PAPSS1: variants seen among roughly 807,000 people sequenced by gnomAD.
PAPSS1 encodes the protein bifunctional 3'-phosphoadenosine 5'-phosphosulfate synthase 1.
A neutral mutation model predicts 72.0 loss-of-function variants in PAPSS1; 50 were observed. The observed-to-expected ratio is 0.69, with a 90% CI of 0.55 to 0.88. The LOEUF (loss-of-function observed/expected upper bound fraction) is 0.88. Among genes scored for constraint, PAPSS1 ranks in the 40% least tolerant of loss-of-function variants. PAPSS1 has a pLI of 0.00. For synonymous variants in PAPSS1, 261 were observed against 263.6 expected, an observed-to-expected ratio of 0.99 and a Z score of 0.09; for missense variants, 657 against 782.2, an observed-to-expected ratio of 0.84 and a Z score of 1.91.
chr4:107,623,164 A>G (rs896731077), intron 11 of PAPSS1, among the ~76,000 whole-genome samples: 37 of 152,300 alleles, frequency 2.4e-4, no homozygotes, highest in African/African-American at 8.2e-4. Flanking sequence ...CCATGTGGAT[A>G]CTTTCACACT....
intron 1 of PAPSS1, among the ~76,000 whole-genome samples, chr4:107,713,650 C>T (rs984976282): frequency 2.0e-5 from 3 of 151,584 alleles, no homozygotes; most frequent in East Asian, 3.9e-4. Flanking sequence ...CCCAGCTACT[C>T]GGGAGGCTGA....
intron 5 of PAPSS1, among the ~76,000 whole-genome samples, chr4:107,668,254 A>T (rs1362702260): frequency 6.6e-6 from 1 of 152,224 alleles, no homozygotes; most frequent in Non-Finnish European, 1.5e-5. Flanking sequence ...CTTATCAGCA[A>T]AATGAAGATA....
At chr4:107,677,954 C>T (rs1560582163) in intron 5 of PAPSS1, among the ~76,000 whole-genome samples, 1 of 152,168 alleles carries the variant, frequency 6.6e-6, no homozygotes, top group Non-Finnish European at 1.5e-5. Context: ...CCAAACACCA[C>T]ACGTTCTCAC....
intron 10 of PAPSS1, among the ~76,000 whole-genome samples, chr4:107,639,291 C>T (rs1355622878): frequency 6.6e-6 from 1 of 152,130 alleles, no homozygotes; most frequent in Admixed American, 6.5e-5. Context: ...AAACAGACTA[C>T]AGGGATCCCC....
At chr4:107,646,378 T>G in intron 9 of PAPSS1, among the ~76,000 whole-genome samples, 1 of 142,032 alleles carries the variant, frequency 7.0e-6, no homozygotes, top group African/African-American at 2.5e-5. Context: ...TTTTGTCCAC[T>G]TTTTTTTTTT....
intron 9 of PAPSS1, among the ~76,000 whole-genome samples, chr4:107,647,481 C>T (rs1365924142): frequency 6.6e-6 from 1 of 152,168 alleles, no homozygotes; most frequent in East Asian, 1.9e-4. Context: ...TACTGACTGA[C>T]ATAAAAATCT....
intron 11 of PAPSS1, 91 bp from the exon 12 acceptor site, chr4:107,614,478 ACTT>A: frequency 3.2e-6 from 3 of 941,214 alleles, no homozygotes; most frequent in Admixed American, 2.8e-5. Flanking sequence ...TATTAGACAA[ACTT>A]AATGAAAAAA....
chr4:107,667,437 C>A (rs1355721632), intron 5 of PAPSS1, among the ~76,000 whole-genome samples: 4 of 152,170 alleles, frequency 2.6e-5, no homozygotes, highest in Non-Finnish European at 5.9e-5. Context: ...GATTTATAAT[C>A]AGCCAGGCAA....
chr4:107,653,610 C>T lies in PAPSS1; in HGVS notation c.1118G>A (p.Gly373Glu). The stretch of plus-strand genomic sequence containing the variant: ...AAGATCTCCTCCAATCAGCCAATCT[C>T]CTTGTTCCATCACCATCTAATAGGA... ...HPYIKMVMEQGDWLIGGDLQV... is the reference protein window; with the variant it reads ...HPYIKMVMEQEDWLIGGDLQV... Residue 373 changes from glycine to glutamate, a missense_variant, in exon 9 of 12, where the codon GGA becomes GAA. Physicochemically the swap from Gly to Glu is moderately conservative, Grantham distance 98 (BLOSUM62 -2). This residue lies in a region of PAPSS1 where 166 missense variants were observed against 228.3 expected (regional missense o/e 0.73). Transcript: ENST00000265174. 6.2e-7 allele frequency: 1 copy of T among 1,612,872 alleles called. No homozygotes were observed. Among genetic ancestry groups the T allele is most frequent in the Admixed American group, 1.7e-5 (1 of 59,836 alleles).
chr4:107,656,874 T>C, intron 7 of PAPSS1, 22 bp downstream of exon 7: 1 of 1,444,852 alleles, frequency 6.9e-7, no homozygotes, highest in Non-Finnish European at 9.7e-7. Context: ...TACAATATAA[T>C]TTTGAATGTA....
intron 5 of PAPSS1, among the ~76,000 whole-genome samples, chr4:107,671,944 C>A (rs1727482716): frequency 6.6e-6 from 1 of 152,090 alleles, no homozygotes; most frequent in African/African-American, 2.4e-5. Context: ...TACAGAGGGC[C>A]AACTTTCTAA....
At chr4:107,633,381 AT>A (rs1726272128) in intron 10 of PAPSS1, among the ~76,000 whole-genome samples, 1 of 152,198 alleles carries the variant, frequency 6.6e-6, no homozygotes, top group African/African-American at 2.4e-5. Flanking sequence ...TATTATCTCT[AT>A]TTTAATCCCC....
chr4:107,664,653 C>T (rs1256992398), intron 5 of PAPSS1, among the ~76,000 whole-genome samples: 3 of 151,818 alleles, frequency 2.0e-5, no homozygotes, highest in Non-Finnish European at 2.9e-5. Flanking sequence ...CAACCATATC[C>T]CCAAGTTAAA....
At position 107,720,216 on chromosome 4, in the gene PAPSS1, G is replaced by C; in HGVS notation, c.-37C>G. ...GCGCTGAGCAGCCGGGGTTCTCTGC[G>C]CCGGGAGGGTAGCAAGAGGAGGGCA... On this transcript the variant is annotated 5_prime_UTR_variant, in exon 1 of 12. Transcript: ENST00000265174. The C allele has an allele frequency of 6.3e-7, 1 of 1,584,930 alleles. No homozygotes were observed. Among genetic ancestry groups the C allele is most frequent in the Non-Finnish European group, 8.6e-7 (1 of 1,167,184 alleles).
chr4:107,645,146 T>C, intron 9 of PAPSS1, 76 bp from the exon 10 acceptor site: 1 of 1,169,210 alleles, frequency 8.6e-7, no homozygotes, highest in East Asian at 2.8e-5. Flanking sequence ...CAATTTTTCT[T>C]AAAACTTGAT....
chr4:107,628,333 A>G (rs1402437550), intron 11 of PAPSS1, among the ~76,000 whole-genome samples: 1 of 152,236 alleles, frequency 6.6e-6, no homozygotes, highest in Non-Finnish European at 1.5e-5. Context: ...AATAAATCAA[A>G]TGACAACAAA....
chr4:107,637,577 T>C (rs1281413589), intron 10 of PAPSS1, among the ~76,000 whole-genome samples: 1 of 152,204 alleles, frequency 6.6e-6, no homozygotes, highest in Non-Finnish European at 1.5e-5. Context: ...CTGAGAATAA[T>C]GAATTGAACA....
intron 9 of PAPSS1, 33 bp downstream of exon 9, chr4:107,653,458 G>A (rs776318453): frequency 9.5e-6 from 15 of 1,583,404 alleles, no homozygotes; most frequent in Admixed American, 9.0e-5. Flanking sequence ...TCTCCAAGCC[G>A]GCCTATATTA....
chr4:107,699,405 GACAAAT>G (rs1723152259), intron 2 of PAPSS1, among the ~76,000 whole-genome samples: 1 of 151,952 alleles, frequency 6.6e-6, no homozygotes, highest in Non-Finnish European at 1.5e-5. Flanking sequence ...CAGAGGAACA[GACAAAT>G]ATATCAGTGG....
Sources: gnomAD v4.1 joint callset for allele counts (sites outside exome capture counted in the v4.1 genomes callset) on GRCh38, gnomAD v4.1.1 for gene constraint, gnomAD v4.1.1 regional missense constraint, MANE v1.5 for transcripts, NCBI Gene and HGNC (gene_info 2026-07-23, HGNC 2026-07-21) for gene names.